Variants in AGBL4 observed in about 807,000 individuals in gnomAD.
AGBL4 encodes the protein AGBL carboxypeptidase 4, also known as cytosolic carboxypeptidase 6.
In AGBL4, 58 loss-of-function variants were observed where a neutral mutation model predicts 66.4. The ratio of observed to expected loss-of-function variants is 0.87; its 90% CI spans 0.71 to 1.09. The LOEUF (loss-of-function observed/expected upper bound fraction) is 1.09. Ranked by LOEUF, AGBL4 falls within the 50% of genes least tolerant of loss-of-function variation. The pLI, the probability that AGBL4 is intolerant of heterozygous loss-of-function variation, is 0.00. For synonymous variants in AGBL4, 234 were observed against 222.9 expected, an observed-to-expected ratio of 1.05 and a Z score of -0.44; for missense variants, 579 against 631.0, an observed-to-expected ratio of 0.92 and a Z score of 0.88.
intron 5 of AGBL4, among the ~76,000 whole-genome samples, chr1:48,935,956 C>A (rs1295798448): frequency 1.2e-4 from 2 of 16,576 alleles, no homozygotes; most frequent in Non-Finnish European, 1.5e-4. Flanking sequence ...GAGACTCTGT[C>A]TGAAAAAAAA....
intron 7 of AGBL4, among the ~76,000 whole-genome samples, chr1:48,662,855 G>T (rs1269281044): frequency 2.0e-5 from 3 of 152,164 alleles, no homozygotes; most frequent in Non-Finnish European, 4.4e-5. Context: ...AGGGAGTGTA[G>T]ATGATTCTGT....
At chr1:49,568,468 T>A (rs1644258672) in intron 3 of AGBL4, among the ~76,000 whole-genome samples, 2 of 132,650 alleles carry the variant, frequency 1.5e-5, no homozygotes, top group African/African-American at 2.9e-5. Context: ...TACAAAACAC[T>A]GCTCAAAGAA....
At chr1:49,276,666 T>C (rs973364675) in intron 3 of AGBL4, among the ~76,000 whole-genome samples, 27 of 152,266 alleles carry the variant, frequency 1.8e-4, no homozygotes, top group African/African-American at 6.5e-4. Context: ...TGAGGTTTCA[T>C]TTACATAAAA....
chr1:49,875,291 T>A (rs1485094964), intron 1 of AGBL4, among the ~76,000 whole-genome samples: 26 of 130,380 alleles, frequency 2.0e-4, no homozygotes, highest in African/African-American at 7.2e-4. Flanking sequence ...TATCTCCCAA[T>A]GCTATCCCTC....
intron 8 of AGBL4, among the ~76,000 whole-genome samples, chr1:48,639,058 A>C (rs980967747): frequency 2.6e-5 from 4 of 152,190 alleles, no homozygotes; most frequent in Non-Finnish European, 4.4e-5. Flanking sequence ...CCTCTGATTC[A>C]AAAAAGAACT....
At chr1:48,723,592 A>G (rs1029972698) in intron 6 of AGBL4, among the ~76,000 whole-genome samples, 2 of 152,224 alleles carry the variant, frequency 1.3e-5, no homozygotes, top group African/African-American at 4.8e-5. Flanking sequence ...TAAACACAGA[A>G]AATGAAATGG....
chr1:49,199,439 T>C (rs768257719), intron 4 of AGBL4, among the ~76,000 whole-genome samples: 8 of 152,168 alleles, frequency 5.3e-5, no homozygotes, highest in Non-Finnish European at 1.0e-4. Context: ...GAAAGGGGCA[T>C]CAGAAATTAT....
At chr1:49,168,142 T>A (rs2148155759) in intron 4 of AGBL4, among the ~76,000 whole-genome samples, 1 of 152,274 alleles carries the variant, frequency 6.6e-6, no homozygotes, top group African/African-American at 2.4e-5. Flanking sequence ...AACGAATACC[T>A]AAGAACACTA....
chr1:49,233,022 G>A (rs1650444527), intron 4 of AGBL4, among the ~76,000 whole-genome samples: 2 of 152,162 alleles, frequency 1.3e-5, no homozygotes, highest in South Asian at 2.1e-4. Flanking sequence ...CTACTGATGG[G>A]TACTTGGATA....
At chr1:49,427,276 T>C (rs1179959177) in intron 3 of AGBL4, among the ~76,000 whole-genome samples, 1 of 152,108 alleles carries the variant, frequency 6.6e-6, no homozygotes, top group Non-Finnish European at 1.5e-5. Flanking sequence ...AAGGTGGGCC[T>C]TGAAGAGAAT....
At chr1:48,802,507 G>C (rs1479504726) in intron 6 of AGBL4, among the ~76,000 whole-genome samples, 1 of 152,084 alleles carries the variant, frequency 6.6e-6, no homozygotes, top group Non-Finnish European at 1.5e-5. Flanking sequence ...ATAGGACCTG[G>C]TACATTGGAA....
At chr1:49,618,904 G>T (rs992516421) in intron 3 of AGBL4, among the ~76,000 whole-genome samples, 8 of 152,106 alleles carry the variant, frequency 5.3e-5, no homozygotes, top group Non-Finnish European at 1.2e-4. Flanking sequence ...AAATACCTTC[G>T]ATAAAATTCA....
At chr1:48,905,818 A>G (rs998500377) in intron 5 of AGBL4, among the ~76,000 whole-genome samples, 2 of 152,208 alleles carry the variant, frequency 1.3e-5, no homozygotes, top group Non-Finnish European at 2.9e-5. Flanking sequence ...CCACAGCAAC[A>G]ATTACCCAGG....
chr1:48,651,044 C>A (rs1047083415), intron 8 of AGBL4, among the ~76,000 whole-genome samples: 2 of 152,086 alleles, frequency 1.3e-5, no homozygotes, highest in Non-Finnish European at 2.9e-5. Context: ...AATTCTGAGT[C>A]TTTATTATTT....
At chr1:49,799,314 C>T (rs1644803709) in intron 2 of AGBL4, among the ~76,000 whole-genome samples, 1 of 152,110 alleles carries the variant, frequency 6.6e-6, no homozygotes, top group Non-Finnish European at 1.5e-5. Context: ...ACAGACTCAG[C>T]TCTGGGAGAT....
chr1:49,860,918 A>T (rs983326188), intron 1 of AGBL4, among the ~76,000 whole-genome samples: 3 of 152,182 alleles, frequency 2.0e-5, no homozygotes, highest in African/African-American at 7.2e-5. Flanking sequence ...TCACAAAAAC[A>T]GTCCTGAATC....
chr1:49,441,672 CA>C (rs1646034193), intron 3 of AGBL4, among the ~76,000 whole-genome samples: 1 of 152,206 alleles, frequency 6.6e-6, no homozygotes, highest in Admixed American at 6.5e-5. Context: ...TCAGATCTCA[CA>C]GTGGGAACCA....
At chr1:48,670,597 T>C (rs115338513) in intron 6 of AGBL4, among the ~76,000 whole-genome samples, 3,989 of 152,384 alleles carry the variant, frequency 0.026, 164 homozygotes, top group African/African-American at 0.087. Flanking sequence ...GGCTGCTCTG[T>C]GGGCTCTGGC....
chr1:49,532,618 T>C (rs960819218), intron 3 of AGBL4, among the ~76,000 whole-genome samples: 4 of 152,160 alleles, frequency 2.6e-5, no homozygotes, highest in Admixed American at 6.5e-5. Flanking sequence ...ATTGACCATG[T>C]GCTTTCACCT....
Sources: allele counts gnomAD v4.1 joint callset (sites outside exome capture counted in the v4.1 genomes callset), GRCh38; gene constraint gnomAD v4.1.1; transcripts MANE v1.5; gene names NCBI Gene and HGNC (gene_info 2026-07-23, HGNC 2026-07-21).